The following NOP2 variants were observed in gnomAD, a reference collection of about 807,000 sequenced individuals.
NOP2 encodes NOP2 nucleolar protein.
In NOP2, 7 loss-of-function variants were observed where a neutral mutation model predicts 72.7. The observed-to-expected ratio is 0.10, with a 90% CI of 0.05 to 0.18. The LOEUF (loss-of-function observed/expected upper bound fraction) is 0.18, where lower values mean the gene tolerates loss of function less well. Among genes scored for constraint, NOP2 ranks in the 10% least tolerant of loss-of-function variants. The pLI is 1.00. For missense variants in NOP2, 954 were observed against 1,014.7 expected, an observed-to-expected ratio of 0.94 and a Z score of 0.81; for synonymous variants, 387 against 388.0, an observed-to-expected ratio of 1.00 and a Z score of 0.03.
rs545287704 is a variant in NOP2, at chr12:6,566,235, C to T, written c.340G>A (p.Glu114Lys). 28 of 1,614,008 alleles carry T rather than the reference C, an allele frequency of 1.7e-5. No homozygotes were observed. In the South Asian group the frequency reaches 1.8e-4, roughly 10 times the overall value. The change falls in exon 5 of 16, where the codon GAA becomes AAA. Residue 114 changes from glutamate to lysine, a missense_variant. Glu to Lys is a moderately conservative substitution (Grantham distance 56). Around this residue, in one of 3 missense-constraint regions of NOP2, gnomAD observed 498 missense variants for 478.3 expected, o/e 1.04. Transcript: ENST00000322166. ...KKRPAPGSDE[E>K]EEEEDSEEDG... ...TCTTCAGAGTCTTCCTCCTCCTCTT[C>T]CTCATCACTGCCAGGTGCTGGGCGC...
intron 15 of NOP2, 82 bp from the exon 16 acceptor site, chr12:6,557,724 T>C (rs961319027): frequency 6.3e-6 from 9 of 1,421,822 alleles, no homozygotes; most frequent in Admixed American, 2.6e-5. Flanking sequence ...AATATGAGAA[T>C]TGCCATTTCC....
rs766813007 is a variant in NOP2, at chr12:6,557,376, CT to C, written c.2055del (p.Ala686ProfsTer9). The stretch of plus-strand genomic sequence containing the variant: ...ACCTTTGGCTCCCTGATCCCTTCGG[CT>C]TTTCCAGCTGGCTGACTGCTATCCT... ...SFQDSSQPAG[K>X]AEGIREPKVT... On this transcript the variant is annotated frameshift_variant, in exon 16 of 16. Transcript: ENST00000322166. LOFTEE classifies it low-confidence loss of function (END_TRUNC). The C allele has an allele frequency of 6.2e-7, 1 of 1,614,046 alleles. No individual in the cohort carries two copies. Among genetic ancestry groups the C allele is most frequent in the South Asian group, 1.1e-5 (1 of 91,086 alleles).
At position 6,561,962 on chromosome 12, in the gene NOP2, T is replaced by C. The variant is rs376891967; in HGVS notation, c.988A>G (p.Asn330Asp). The C allele has an allele frequency of 1.7e-5, 28 of 1,609,310 alleles. No individual in the cohort carries two copies. Among genetic ancestry groups the C allele is most frequent in the Non-Finnish European group, 2.4e-5 (28 of 1,177,590 alleles). ...AGGGGATCCAGGTTAACCCCACGAT[T>C]GATTAGAGCCTGAAAAGGGATGAAG... is the stretch of plus-strand genomic sequence containing the variant. ...RRRDLAQALI[N>D]RGVNLDPLGK... The change falls in exon 10 of 16, where the codon AAT (asparagine) becomes GAT (aspartate). Residue 330 changes from asparagine to aspartate, a missense_variant. Physicochemically the swap from Asn to Asp is conservative, Grantham distance 23. Coordinates refer to ENST00000322166, the MANE Select transcript of NOP2 (RefSeq NM_001258308.2).
chr12:6,560,623 G>A lies in NOP2; in HGVS notation c.1438-54C>T. ...CTCAGGAGGAGAGGGGAGCCCAGAG[G>A]GTGTCCCCATCTCAGTTTCCAGCTC... On this transcript the variant is annotated intron_variant, in intron 13 of 15. Coordinates refer to ENST00000322166, the MANE Select transcript of NOP2 (RefSeq NM_001258308.2). This position sits in a 1 kb window ranked among gnomAD's most constrained non-coding sequence, Gnocchi z 5.0. 6.2e-7 allele frequency: 1 copy of A among 1,608,418 alleles called. No homozygotes were observed.
Position 6,566,799 on chromosome 12 carries a change from G to C in NOP2, c.127C>G (p.Leu43Val). The C allele has an allele frequency of 6.2e-7, 1 of 1,613,154 alleles. No homozygotes were observed. The highest frequency in any genetic ancestry group is 8.5e-7 in the Non-Finnish European group (1 of 1,179,510). ...TACCTCTTTCGAGCACGACTAGACA[G>C]CCTCTTGGAATTTTCGTCACTTACT... ...PAVSDENSKR[L>V]SSRARKRAAK... The change falls in exon 3 of 16, where the codon CTG becomes GTG. Residue 43 changes from leucine (L) to valine (V), a missense_variant. By Grantham distance (32) the Leu-to-Val change is conservative. Coordinates refer to ENST00000322166, the MANE Select transcript of NOP2 (RefSeq NM_001258308.2).
At chr12:6,566,681 T>A in intron 3 of NOP2, 64 bp from the exon 4 acceptor site, 1 of 1,596,390 alleles carries the variant, frequency 6.3e-7, no homozygotes. Context: ...CTCTGCCATT[T>A]CCACCATAGG....
chr12:6,563,898 C>G lies in NOP2; in HGVS notation c.523G>C (p.Ala175Pro). The change falls in exon 6 of 16, where the codon GCT becomes CCT. Residue 175 changes from alanine (A) to proline (P), a missense_variant. Physicochemically the swap from Ala to Pro is conservative, Grantham distance 27. Around this residue, in one of 3 missense-constraint regions of NOP2, gnomAD observed 498 missense variants for 478.3 expected, o/e 1.04. Coordinates refer to ENST00000322166, the MANE Select transcript of NOP2 (RefSeq NM_001258308.2). ...AARKQKAREA[A>P]AGIQWSEEET... ...ATAGCTTCCAAAACTCACCCAGCAGCAGCTTCCCGGGCCTTCTGCTTCCGA... is the reference window on the plus strand; with the variant it reads ...ATAGCTTCCAAAACTCACCCAGCAGGAGCTTCCCGGGCCTTCTGCTTCCGA... 1 of 1,613,884 alleles carries G rather than the reference C, an allele frequency of 6.2e-7. No homozygotes were observed. Among genetic ancestry groups the G allele is most frequent in the Non-Finnish European group, 8.5e-7 (1 of 1,179,856 alleles).
chr12:6,561,739 T>C lies in NOP2; in HGVS notation c.1132A>G (p.Met378Val). ...TCATGTTCCTGGGGTGCCAAGGCCA[T>C]GACGGGCAACATGCTGGAGGCTCCC... ...LQGASSMLPV[M>V]ALAPQEHERI... is the part of the protein sequence containing the mutation. Residue 378 changes from methionine to valine, a missense_variant, in exon 11 of 16, where the codon ATG (methionine) becomes GTG (valine). Physicochemically the swap from Met to Val is conservative, Grantham distance 21 (BLOSUM62 1). Transcript: ENST00000322166. 11 of 1,613,040 alleles carry C rather than the reference T, an allele frequency of 6.8e-6. No individual in the cohort carries two copies. Among genetic ancestry groups the C allele is most frequent in the Non-Finnish European group, 9.3e-6 (11 of 1,179,474 alleles).
In NOP2 at chr12:6,567,452, G is replaced by A. The variant is rs558629759; in HGVS notation, c.103+364C>T. Reference sequence around the variant, plus strand: ...TTTTCCATTTCCACCCCTTCCAAAAGGCAAATCAGTGACTGACCCCTCCCC... The same window carrying A: ...TTTTCCATTTCCACCCCTTCCAAAAAGCAAATCAGTGACTGACCCCTCCCC... On this transcript the variant is annotated intron_variant, in intron 2 of 15. Coordinates refer to ENST00000322166, the MANE Select transcript of NOP2 (RefSeq NM_001258308.2). The A allele has an allele frequency of 9.6e-5, 21 of 218,682 alleles. No individual in the cohort carries two copies. In the East Asian group the frequency reaches 3.1e-3, roughly 32 times the overall value. 13.5% of individuals were successfully genotyped at this position (218,682 alleles called of 1,614,324 possible).
At chr12:6,564,253 G>GGGA (rs1240785989) in intron 5 of NOP2, 15 of 244,248 alleles carry the variant, frequency 6.1e-5, no homozygotes, top group South Asian at 3.0e-4. Flanking sequence ...TCCAGCCTGG[G>GGGA]CAACAGAGAA....
rs763509029 is a variant in NOP2 at position 6,560,986 on chromosome 12, C to T, written c.1292G>A (p.Arg431Gln). The T allele has an allele frequency of 2.5e-6, 4 of 1,613,780 alleles. No homozygotes were observed. Among genetic ancestry groups the T allele is most frequent in the South Asian group, 2.2e-5 (2 of 91,076 alleles). ...GATAATGGTGTTGGTGACTCCCAGC[C>T]GATGCAAGTTGCCCACAACACTCTT... ...RLKSVVGNLH[R>Q]LGVTNTIISH... The change falls in exon 12 of 16, where the codon CGG becomes CAG. Residue 431 changes from arginine (R) to glutamine (Q), a missense_variant. By Grantham distance (43) the Arg-to-Gln change is conservative (BLOSUM62 1). Transcript: ENST00000322166. This position sits in a 1 kb window ranked among gnomAD's most constrained non-coding sequence, Gnocchi z 5.0.
intron 11 of NOP2, 79 bp from the exon 12 acceptor site, chr12:6,561,149 C>A: frequency 6.4e-7 from 1 of 1,560,378 alleles, no homozygotes; most frequent in South Asian, 1.2e-5. Context: ...GTCCAGGAAT[C>A]CACATGAGAA....
chr12:6,564,826 A>G (rs1237438085), intron 5 of NOP2, among the ~76,000 whole-genome samples: 1 of 151,578 alleles, frequency 6.6e-6, no homozygotes, highest in East Asian at 1.9e-4. Flanking sequence ...GTTACATCAC[A>G]GGCATTTTCA....
intron 9 of NOP2, 96 bp from the exon 10 acceptor site, chr12:6,562,067 C>T: frequency 1.2e-6 from 1 of 857,310 alleles, no homozygotes; most frequent in African/African-American, 1.7e-5. Context: ...CGGCTCACAG[C>T]AACCTCCACC....
At chr12:6,558,698 C>T (rs993783838) in intron 15 of NOP2, among the ~76,000 whole-genome samples, 3 of 150,266 alleles carry the variant, frequency 2.0e-5, no homozygotes, top group Non-Finnish European at 3.0e-5. Context: ...CAACCTCAAA[C>T]TCCTGGGGCT....
chr12:6,566,010 A>G, intron 5 of NOP2, 91 bp downstream of exon 5: 1 of 1,106,332 alleles, frequency 9.0e-7, no homozygotes, highest in East Asian at 2.6e-5. Context: ...AGTCAGGCTT[A>G]TCCTTGCCAC....
chr12:6,560,093 C>G lies in NOP2; in HGVS notation c.1789+5G>C. 1 of 1,603,234 alleles carries G rather than the reference C, an allele frequency of 6.2e-7. No individual in the cohort carries two copies. Among genetic ancestry groups the G allele is most frequent in the Non-Finnish European group, 8.5e-7 (1 of 1,170,194 alleles). On this transcript the variant is annotated splice_donor_5th_base_variant and intron_variant, in intron 15 of 15. Coordinates refer to ENST00000322166, the MANE Select transcript of NOP2 (RefSeq NM_001258308.2). This position sits in a 1 kb window ranked among gnomAD's most constrained non-coding sequence, Gnocchi z 5.0. Reference sequence around the variant, plus strand: ...GGTGACGAAGGGAAGAAAAAGATTACTTACCTGTCTGGGACTGAGGGATAG... The same window carrying G: ...GGTGACGAAGGGAAGAAAAAGATTAGTTACCTGTCTGGGACTGAGGGATAG...
chr12:6,566,574 T>A lies in NOP2; in HGVS notation c.193A>T (p.Asn65Tyr), dbSNP rs372934430. The change falls in exon 4 of 16, where the codon AAT (asparagine) becomes TAT (tyrosine). Residue 65 changes from asparagine to tyrosine, a missense_variant. Asn to Tyr is a moderately radical substitution (Grantham distance 143). This residue lies in a region of NOP2 where 498 missense variants were observed against 478.3 expected (regional missense o/e 1.04). Transcript: ENST00000322166. ...AATGGTTTGGCCTCAGGAGACTTAT[T>A]TGTCTTAGGGGCTTCAACAGAGCCC... ...RLGSVEAPKT[N>Y]KSPEAKPLPG... The A allele has an allele frequency of 2.0e-5, 33 of 1,613,908 alleles. No individual in the cohort carries two copies. The highest frequency in any genetic ancestry group is 1.0e-4 in the Admixed American group (6 of 59,998).
rs1196925217 is a variant in NOP2, at chr12:6,563,320, A to C, written c.883T>G (p.Ser295Ala). The C allele has an allele frequency of 3.1e-6, 5 of 1,591,328 alleles. No individual in the cohort carries two copies. The highest frequency in any genetic ancestry group is 4.3e-6 in the Non-Finnish European group (5 of 1,168,936). ...GCATTCTGGCAATCCAGTACCTCAG[A>C]CAGAGGGAAGAGGTCCATGAGCTTG... ...LGKLMDLFPL[S>A]ELVEFLEANE... Residue 295 changes from serine (S) to alanine (A), a missense_variant, in exon 8 of 16, where the codon TCT becomes GCT. By Grantham distance (99) the Ser-to-Ala change is moderately conservative. Coordinates refer to ENST00000322166, the MANE Select transcript of NOP2 (RefSeq NM_001258308.2).
Sources: allele counts gnomAD v4.1 joint callset (sites outside exome capture counted in the v4.1 genomes callset), GRCh38; gene constraint gnomAD v4.1.1; regional missense constraint gnomAD v4.1.1; non-coding constraint Gnocchi (gnomAD v3.1); transcripts MANE v1.5; gene names NCBI Gene and HGNC (gene_info 2026-07-23, HGNC 2026-07-21).